Variants in CPNE4 observed in about 807,000 individuals in gnomAD.
CPNE4 encodes the protein copine 4.
Under a neutral mutation model 67.9 loss-of-function variants are expected in CPNE4, and 25 were observed. That is an observed-to-expected ratio of 0.37 (90% CI 0.27 to 0.51). CPNE4 has a LOEUF of 0.51. Among genes scored for constraint, CPNE4 ranks in the 20% least tolerant of loss-of-function variants. The pLI, the probability that CPNE4 is intolerant of heterozygous loss-of-function variation, is 0.93. For missense variants in CPNE4, 464 were observed against 690.8 expected (o/e 0.67, Z 3.68); for synonymous variants, 242 against 244.9 (o/e 0.99, Z 0.11).
chr3:131,794,850 G>C (rs754760186), intron 2 of CPNE4, among the ~76,000 whole-genome samples: 19 of 152,132 alleles, frequency 1.2e-4, no homozygotes, highest in Non-Finnish European at 2.5e-4. Context: ...AGTGTGCCTG[G>C]ATGAAAGCTT....
At chr3:131,718,929 C>T (rs533502168) in intron 3 of CPNE4, among the ~76,000 whole-genome samples, 28 of 152,310 alleles carry the variant, frequency 1.8e-4, no homozygotes, top group African/African-American at 6.0e-4. Context: ...TTAAAGGAGT[C>T]ATCATGTCTT....
At chr3:131,848,565 AG>A (rs1438704357) in intron 2 of CPNE4, among the ~76,000 whole-genome samples, 16 of 152,050 alleles carry the variant, frequency 1.1e-4, no homozygotes, top group African/African-American at 3.6e-4. Flanking sequence ...GGAGTTTGCC[AG>A]GGAGGCTTCT....
intron 1 of CPNE4, among the ~76,000 whole-genome samples, chr3:131,986,328 T>C (rs574213776): frequency 2.6e-5 from 4 of 152,280 alleles, no homozygotes; most frequent in Non-Finnish European, 5.9e-5. Flanking sequence ...ATTGAATAAT[T>C]TGAATGACAT....
At chr3:131,691,077 G>A (rs915702085) in intron 5 of CPNE4, among the ~76,000 whole-genome samples, 2 of 152,146 alleles carry the variant, frequency 1.3e-5, no homozygotes, top group African/African-American at 4.8e-5. Context: ...AGGCTGTGGG[G>A]AAAAGGAAAC....
intron 1 of CPNE4, among the ~76,000 whole-genome samples, chr3:132,006,897 G>A (rs2073623408): frequency 6.6e-6 from 1 of 152,120 alleles, no homozygotes; most frequent in African/African-American, 2.4e-5. Flanking sequence ...ATTCAAGAAT[G>A]GAATGATATC....
chr3:131,840,042 A>G (rs1328028061), intron 2 of CPNE4, among the ~76,000 whole-genome samples: 1 of 152,186 alleles, frequency 6.6e-6, no homozygotes, highest in Admixed American at 6.5e-5. Flanking sequence ...ACATACATAC[A>G]TTCATGTAGC....
chr3:131,896,305 T>C (rs1052479082), intron 2 of CPNE4, among the ~76,000 whole-genome samples: 1 of 152,172 alleles, frequency 6.6e-6, no homozygotes, highest in South Asian at 2.1e-4. Context: ...ATACAAACTG[T>C]AGCTATTGTA....
rs1415481088 is a variant in CPNE4, at chr3:131,978,096, TATAA to T, written c.-2+56467_-2+56470del. On this transcript the variant is annotated intron_variant, in intron 1 of 15. Coordinates refer to ENST00000429747, the MANE Select transcript of CPNE4 (RefSeq NM_130808.3). Reference sequence around the variant, plus strand: ...ATATATAAATATATATAAATATATATATAAATATATATAAAATATATATAAATAT... The same window carrying T: ...ATATATAAATATATATAAATATATATATATATATAAAATATATATAAATAT... Among the ~76,000 whole-genome samples the T allele has an allele frequency of 1.5e-4, 11 of 74,730 alleles. 1 individual carries two copies. The highest frequency in any genetic ancestry group is 1.4e-3 in the Admixed American group (6 of 4,354). The allele number at this position is 74,730 out of a possible 152,430, so 49.0% of individuals were successfully genotyped here. A position where few individuals can be genotyped will look rare whatever the true frequency, so the allele number is the denominator to read the frequency against.
chr3:131,986,039 T>C (rs1217220951), intron 1 of CPNE4: 7 of 153,768 alleles, frequency 4.6e-5, no homozygotes, highest in Admixed American at 1.3e-4. Context: ...AGTAGATGCA[T>C]TGAAAACATT....
chr3:131,792,719 GTA>G (rs774543857), intron 2 of CPNE4, among the ~76,000 whole-genome samples: 6 of 69,306 alleles, frequency 8.7e-5, no homozygotes, highest in Admixed American at 1.8e-4. Flanking sequence ...GTGTATATAT[GTA>G]TATATATACA....
intron 7 of CPNE4, among the ~76,000 whole-genome samples, chr3:131,663,956 T>C (rs1455079580): frequency 1.3e-5 from 2 of 152,156 alleles, no homozygotes; most frequent in Non-Finnish European, 2.9e-5. Flanking sequence ...ACATAAGGCA[T>C]GGGGGCGAAT....
At chr3:131,986,432 C>T (rs1384113980) in intron 1 of CPNE4, among the ~76,000 whole-genome samples, 1 of 152,160 alleles carries the variant, frequency 6.6e-6, no homozygotes, top group African/African-American at 2.4e-5. Context: ...AGAGCAACAA[C>T]CTAATGGCTT....
chr3:131,715,416 G>A (rs1274231728), intron 3 of CPNE4, among the ~76,000 whole-genome samples: 1 of 152,156 alleles, frequency 6.6e-6, no homozygotes, highest in East Asian at 1.9e-4. Flanking sequence ...GATGCTACTT[G>A]ATCATTTATA....
chr3:131,638,871 T>G (rs998684788), intron 7 of CPNE4, among the ~76,000 whole-genome samples: 2 of 152,006 alleles, frequency 1.3e-5, no homozygotes, highest in African/African-American at 4.8e-5. Flanking sequence ...AAAGGAACCC[T>G]CAAAACGATG....
Position 131,841,838 on chromosome 3 carries a change from T to C in CPNE4, c.180+63426A>G, listed in dbSNP as rs141647631. Among the ~76,000 whole-genome samples the C allele has an allele frequency of 5.4e-4, 82 of 152,254 alleles. No individual in the cohort carries two copies. The Middle Eastern group carries it at 0.01, about 19-fold the overall frequency. ...ATCACCTCAGTTGCAAAGTAAACTA[T>C]AAACAATAAAGAAGGAAATATCCTG... On this transcript the variant is annotated intron_variant, in intron 2 of 15. Coordinates refer to ENST00000429747, the MANE Select transcript of CPNE4 (RefSeq NM_130808.3).
intron 7 of CPNE4, among the ~76,000 whole-genome samples, chr3:131,625,370 G>A (rs2107766908): frequency 6.6e-6 from 1 of 152,162 alleles, no homozygotes; most frequent in African/African-American, 2.4e-5. Context: ...ATTGATTGAA[G>A]GAAGCACCAT....
chr3:131,965,581 T>C (rs1291066938), intron 1 of CPNE4, among the ~76,000 whole-genome samples: 1 of 152,194 alleles, frequency 6.6e-6, no homozygotes, highest in East Asian at 1.9e-4. Flanking sequence ...AATGCTAGTC[T>C]CTGATAAAAC....
intron 1 of CPNE4, among the ~76,000 whole-genome samples, chr3:131,985,152 A>G (rs1331553872): frequency 6.6e-6 from 1 of 152,218 alleles, no homozygotes; most frequent in Non-Finnish European, 1.5e-5. Flanking sequence ...AGAAAGAGTT[A>G]GAGAGCCCTC....
At chr3:131,942,457 T>TGAGAGACA (rs2071420902) in intron 1 of CPNE4, among the ~76,000 whole-genome samples, 1 of 60,980 alleles carries the variant, frequency 1.6e-5, no homozygotes, top group Non-Finnish European at 3.1e-5. Flanking sequence ...TGTGTGTGTG[T>TGAGAGACA]GTGTGTGAGA....
Sources: gnomAD v4.1 joint callset for allele counts (sites outside exome capture counted in the v4.1 genomes callset) on GRCh38, gnomAD v4.1.1 for gene constraint, MANE v1.5 for transcripts, NCBI Gene and HGNC (gene_info 2026-07-23, HGNC 2026-07-21) for gene names.